The following FBXL17 variants were observed in gnomAD, a reference collection of about 807,000 sequenced individuals.
FBXL17 encodes F-box/LRR-repeat protein 17.
Under a neutral mutation model 66.2 loss-of-function variants are expected in FBXL17, and 22 were observed. The observed-to-expected ratio is 0.33, with a 90% CI of 0.24 to 0.47. FBXL17 has a LOEUF of 0.47. Among genes scored for constraint, FBXL17 ranks in the 20% least tolerant of loss-of-function variants. FBXL17 has a pLI of 1.00. For synonymous variants in FBXL17, 474 were observed against 400.5 expected (o/e 1.18, Z -2.19); for missense variants, 878 against 948.2 (o/e 0.93, Z 0.97).
chr5:108,135,115 A>C (rs1438804031), intron 6 of FBXL17, among the ~76,000 whole-genome samples: 1 of 152,130 alleles, frequency 6.6e-6, no homozygotes, highest in African/African-American at 2.4e-5. Flanking sequence ...TGGGGACATC[A>C]ATCAGGTGGA....
intron 4 of FBXL17, among the ~76,000 whole-genome samples, chr5:108,274,266 A>G (rs867609650): frequency 2.6e-5 from 4 of 152,290 alleles, no homozygotes; most frequent in South Asian, 2.1e-4. Flanking sequence ...AGTCTCGACC[A>G]TAAGAGACGA....
intron 7 of FBXL17, among the ~76,000 whole-genome samples, chr5:108,011,233 C>T (rs1754158845): frequency 1.3e-5 from 2 of 152,102 alleles, no homozygotes; most frequent in South Asian, 2.1e-4. Flanking sequence ...TAGATCTAGT[C>T]CAACATCAGC....
chr5:108,225,206 T>A (rs946312826), intron 4 of FBXL17, among the ~76,000 whole-genome samples: 2 of 152,204 alleles, frequency 1.3e-5, no homozygotes, highest in Admixed American at 6.5e-5. Context: ...CTTAGCATAA[T>A]GTTATCAAGG....
chr5:108,162,782 A>AAT (rs992225243), intron 6 of FBXL17, among the ~76,000 whole-genome samples: 5 of 152,086 alleles, frequency 3.3e-5, no homozygotes, highest in Non-Finnish European at 5.9e-5. Context: ...TCGGAAATTT[A>AAT]ATATATATAT....
At chr5:108,118,232 T>A (rs1452345936) in intron 6 of FBXL17, among the ~76,000 whole-genome samples, 1 of 152,222 alleles carries the variant, frequency 6.6e-6, no homozygotes, top group Non-Finnish European at 1.5e-5. Context: ...TTATCTCCAG[T>A]CCTGACTTCC....
chr5:108,218,799 T>C (rs1754721845), intron 5 of FBXL17, among the ~76,000 whole-genome samples: 1 of 152,178 alleles, frequency 6.6e-6, no homozygotes, highest in Admixed American at 6.5e-5. Flanking sequence ...TACTATTGAG[T>C]CGAGTTCCTT....
intron 6 of FBXL17, among the ~76,000 whole-genome samples, chr5:108,130,508 A>G: frequency 6.6e-6 from 1 of 152,182 alleles, no homozygotes; most frequent in Middle Eastern, 3.4e-3. Context: ...AAAGAAAACG[A>G]AAAGTATCTT....
chr5:108,100,224 A>T (rs1426346887), intron 6 of FBXL17, among the ~76,000 whole-genome samples: 1 of 152,122 alleles, frequency 6.6e-6, no homozygotes, highest in African/African-American at 2.4e-5. Context: ...AGATCTTTGG[A>T]CTCTGTTTCT....
chr5:108,278,931 A>G (rs1757593749), intron 4 of FBXL17, among the ~76,000 whole-genome samples: 1 of 152,144 alleles, frequency 6.6e-6, no homozygotes, highest in Non-Finnish European at 1.5e-5. Context: ...CCAGGGTCCT[A>G]AAGGTTACAA....
At chr5:108,083,250 C>CACAGAG (rs369652150) in intron 6 of FBXL17, among the ~76,000 whole-genome samples, 38 of 145,576 alleles carry the variant, frequency 2.6e-4, no homozygotes, top group African/African-American at 9.4e-4. Context: ...CACACACACA[C>CACAGAG]AGAGAGAGAG....
At chr5:108,117,602 T>G (rs965007692) in intron 6 of FBXL17, among the ~76,000 whole-genome samples, 6 of 152,090 alleles carry the variant, frequency 3.9e-5, no homozygotes, top group Admixed American at 3.3e-4. Context: ...AAATCCCAAA[T>G]GACTATGAAG....
At position 107,889,035 on chromosome 5, in the gene FBXL17, T is replaced by C. The variant is rs529189421; in HGVS notation, c.1823-7856A>G. Among the ~76,000 whole-genome samples, 4 of 140,716 alleles carry C rather than the reference T, an allele frequency of 2.8e-5. No homozygotes were observed. In the South Asian group the frequency reaches 9.0e-4, roughly 32 times the overall value. The allele number at this position is 140,716 out of a possible 152,430, so 92.3% of individuals were successfully genotyped here. On this transcript the variant is annotated intron_variant, in intron 7 of 8. Transcript: ENST00000542267. ...CTCTCTTGGATTACAGCTGTTCTAG[T>C]GGGTACGTAGTAGTACCTTCTCGTG...
At chr5:108,217,994 A>ACCAT (rs1162179372) in intron 5 of FBXL17, among the ~76,000 whole-genome samples, 3 of 149,060 alleles carry the variant, frequency 2.0e-5, no homozygotes, top group African/African-American at 7.4e-5. Context: ...GTGTGTATAT[A>ACCAT]CCATATTTTC....
At chr5:108,268,936 C>G (rs2150135036) in intron 4 of FBXL17, among the ~76,000 whole-genome samples, 1 of 152,018 alleles carries the variant, frequency 6.6e-6, no homozygotes, top group East Asian at 1.9e-4. Flanking sequence ...AATGAAGACC[C>G]AAAGACTCAA....
At chr5:108,360,116 G>A (rs567372711) in intron 3 of FBXL17, among the ~76,000 whole-genome samples, 8 of 151,990 alleles carry the variant, frequency 5.3e-5, no homozygotes, top group African/African-American at 1.9e-4. Flanking sequence ...AGCTATTATA[G>A]CTCTCTTCTG....
At chr5:108,248,469 G>A (rs1272103192) in intron 4 of FBXL17, among the ~76,000 whole-genome samples, 1 of 152,088 alleles carries the variant, frequency 6.6e-6, no homozygotes, top group Non-Finnish European at 1.5e-5. Context: ...GACTATGACA[G>A]AAAATTTAAT....
chr5:107,989,175 T>C (rs1313416326), intron 7 of FBXL17, among the ~76,000 whole-genome samples: 2 of 152,120 alleles, frequency 1.3e-5, no homozygotes, highest in Non-Finnish European at 2.9e-5. Context: ...TATTTTGAAA[T>C]GCACAATAAA....
chr5:108,253,648 A>G (rs964318901), intron 4 of FBXL17, among the ~76,000 whole-genome samples: 3 of 152,134 alleles, frequency 2.0e-5, no homozygotes, highest in Non-Finnish European at 2.9e-5. Context: ...GGATAATTAG[A>G]ACTAACAATA....
At chr5:108,194,543 A>C (rs1422239388) in intron 5 of FBXL17, among the ~76,000 whole-genome samples, 1 of 152,104 alleles carries the variant, frequency 6.6e-6, no homozygotes, top group African/African-American at 2.4e-5. Context: ...GCCCTCTTTG[A>C]CTTCTCCATC....
Sources: allele counts gnomAD v4.1 joint callset (sites outside exome capture counted in the v4.1 genomes callset), GRCh38; gene constraint gnomAD v4.1.1; transcripts MANE v1.5; gene names NCBI Gene and HGNC (gene_info 2026-07-23, HGNC 2026-07-21).